FYB1: variants seen among roughly 807,000 people sequenced by gnomAD.
The protein encoded by FYB1 is FYN binding protein 1.
Under a neutral mutation model 94.1 loss-of-function variants are expected in FYB1, and 41 were observed. That is an observed-to-expected ratio of 0.44 (90% CI 0.34 to 0.57). The LOEUF is 0.57. FYB1 is among the 20% of genes least tolerant of loss of function. The pLI is 0.02. For missense variants in FYB1, 1,050 were observed against 976.8 expected, an observed-to-expected ratio of 1.07 and a Z score of -1.00; for synonymous variants, 367 against 353.2, an observed-to-expected ratio of 1.04 and a Z score of -0.44.
At chr5:39,272,611 G>T (rs1477310794) in intron 1 of FYB1, among the ~76,000 whole-genome samples, 1 of 145,350 alleles carries the variant, frequency 6.9e-6, no homozygotes. Context: ...GGCGGAGCTT[G>T]CAGTGAGCCG....
intron 1 of FYB1, among the ~76,000 whole-genome samples, chr5:39,226,691 G>A (rs991405287): frequency 1.3e-5 from 2 of 151,946 alleles, no homozygotes; most frequent in African/African-American, 4.8e-5. Context: ...TATTTTCATG[G>A]GTGTGTTTAG....
chr5:39,272,806 G>T (rs777372340), intron 1 of FYB1, among the ~76,000 whole-genome samples: 2 of 152,042 alleles, frequency 1.3e-5, no homozygotes, highest in African/African-American at 4.8e-5. Context: ...TAATTTATTG[G>T]GTAAGTCTCT....
rs3085950 is a variant in FYB1 at position 39,247,071 on chromosome 5, CATATATATATAT to C, written c.-28+27320_-28+27331del. On this transcript the variant is annotated intron_variant, in intron 1 of 1. Coordinates refer to the FYB1 transcript ENST00000510188. ...ATGGTGCACACACAAAATGCGTGTT[CATATATATATAT>C]ATATATATATATATATATATATATA... Among the ~76,000 whole-genome samples, 619 of 65,616 alleles carry C rather than the reference CATATATATATAT, an allele frequency of 9.4e-3. 5 individuals carry two copies. The highest frequency in any genetic ancestry group is 0.027 in the African/African-American group (513 of 19,026). 43.0% of individuals were successfully genotyped at this position (65,616 alleles called of 152,430 possible). A position where few individuals can be genotyped will look rare whatever the true frequency, so the allele number is the denominator to read the frequency against.
At chr5:39,184,798 C>T (rs1037524000) in intron 2 of FYB1, among the ~76,000 whole-genome samples, 2 of 152,064 alleles carry the variant, frequency 1.3e-5, no homozygotes, top group African/African-American at 4.8e-5. Flanking sequence ...ATAGAGATCA[C>T]TTGTTGGATA....
At chr5:39,195,558 C>T (rs1232106989) in intron 2 of FYB1, among the ~76,000 whole-genome samples, 1 of 152,176 alleles carries the variant, frequency 6.6e-6, no homozygotes, top group East Asian at 1.9e-4. Context: ...AGGAGGGGGC[C>T]ATCAGTCTTT....
chr5:39,271,329 C>T (rs35250), intron 1 of FYB1, among the ~76,000 whole-genome samples: 40,946 of 152,018 alleles, frequency 0.27, 6,147 homozygotes, highest in Non-Finnish European at 0.35. Flanking sequence ...GTATTTGATC[C>T]CAAGTAGTCA....
chr5:39,109,662 T>C (rs1259439417), intron 17 of FYB1, among the ~76,000 whole-genome samples: 2 of 152,100 alleles, frequency 1.3e-5, no homozygotes, highest in Non-Finnish European at 2.9e-5. Context: ...GATCTTTTCA[T>C]TGTGCTAAAT....
chr5:39,266,519 A>G (rs572561717), intron 1 of FYB1, among the ~76,000 whole-genome samples: 1 of 152,212 alleles, frequency 6.6e-6, no homozygotes, highest in Non-Finnish European at 1.5e-5. Context: ...TTTCCTTACC[A>G]ATAAGTTACA....
chr5:39,195,177 C>T (rs567411732), intron 2 of FYB1, among the ~76,000 whole-genome samples: 4 of 152,256 alleles, frequency 2.6e-5, no homozygotes, highest in East Asian at 3.9e-4. Flanking sequence ...CATGTTCTTA[C>T]GTTCCCAGTG....
chr5:39,156,337 CT>C (rs1743750070), intron 2 of FYB1, among the ~76,000 whole-genome samples: 1 of 152,182 alleles, frequency 6.6e-6, no homozygotes, highest in Non-Finnish European at 1.5e-5. Flanking sequence ...TGTGCTTGCT[CT>C]TCTACCGGAC....
chr5:39,128,237 A>G (rs1740866969), intron 10 of FYB1, among the ~76,000 whole-genome samples: 1 of 152,178 alleles, frequency 6.6e-6, no homozygotes, highest in African/African-American at 2.4e-5. Flanking sequence ...TATTGATGGT[A>G]GTTGAAACAG....
chr5:39,129,816 G>A (rs769198818), intron 10 of FYB1, among the ~76,000 whole-genome samples: 11 of 151,588 alleles, frequency 7.3e-5, no homozygotes, highest in Non-Finnish European at 1.2e-4. Context: ...TCATACTGTC[G>A]GTGGGAATAT....
intron 2 of FYB1, among the ~76,000 whole-genome samples, chr5:39,162,094 C>CA (rs1411203536): frequency 6.6e-6 from 1 of 152,086 alleles, no homozygotes; most frequent in Non-Finnish European, 1.5e-5. Flanking sequence ...AGTTGATGAA[C>CA]ATTTAAGTTG....
chr5:39,183,353 T>C (rs941834870), intron 2 of FYB1, among the ~76,000 whole-genome samples: 1 of 152,188 alleles, frequency 6.6e-6, no homozygotes, highest in Non-Finnish European at 1.5e-5. Flanking sequence ...TCATCTTTAA[T>C]TGCAACTAAA....
intron 1 of FYB1, among the ~76,000 whole-genome samples, chr5:39,253,104 GT>G (rs1217493151): frequency 6.6e-6 from 1 of 152,050 alleles, no homozygotes; most frequent in Admixed American, 6.6e-5. Flanking sequence ...AAAAGTACAC[GT>G]TTTACTGCTC....
intron 1 of FYB1, among the ~76,000 whole-genome samples, chr5:39,264,132 G>C (rs1189068740): frequency 1.3e-5 from 2 of 152,154 alleles, no homozygotes; most frequent in Non-Finnish European, 2.9e-5. Flanking sequence ...GACACATGCA[G>C]TTCAATCCAA....
chr5:39,167,697 A>C (rs1363931572), intron 2 of FYB1, among the ~76,000 whole-genome samples: 21 of 151,152 alleles, frequency 1.4e-4, no homozygotes, highest in Non-Finnish European at 2.4e-4. Flanking sequence ...TGGTGGGGGG[A>C]AGTGTTCTAG....
intron 2 of FYB1, among the ~76,000 whole-genome samples, chr5:39,187,596 C>T (rs957259656): frequency 2.6e-5 from 4 of 152,164 alleles, no homozygotes; most frequent in Admixed American, 2.0e-4. Context: ...TTTAGCTCCT[C>T]TCATCTCTGA....
At chr5:39,121,836 T>A (rs1317566706) in intron 14 of FYB1, among the ~76,000 whole-genome samples, 1 of 152,152 alleles carries the variant, frequency 6.6e-6, no homozygotes, top group Non-Finnish European at 1.5e-5. Context: ...TTTTCTTTTT[T>A]TCATAAAGGA....
Sources: gnomAD v4.1 joint callset for allele counts (sites outside exome capture counted in the v4.1 genomes callset) on GRCh38, gnomAD v4.1.1 for gene constraint, MANE v1.5 for transcripts, NCBI Gene and HGNC (gene_info 2026-07-23, HGNC 2026-07-21) for gene names.